The following COL28A1 variants were observed in gnomAD, a reference collection of about 807,000 sequenced individuals.
COL28A1 encodes the protein collagen alpha-1(XXVIII) chain.
A neutral mutation model predicts 150.2 loss-of-function variants in COL28A1; 161 were observed. The ratio of observed to expected loss-of-function variants is 1.07; its 90% CI spans 0.94 to 1.22. COL28A1 has a LOEUF of 1.22. Ranked by LOEUF, COL28A1 falls within the 50% of genes most tolerant of loss-of-function variation. The pLI is 0.00. For missense variants in COL28A1, 1,617 were observed against 1,388.3 expected (o/e 1.16, Z -2.62); for synonymous variants, 552 against 469.7 (o/e 1.18, Z -2.26).
rs139157629 is a variant in COL28A1 at position 7,491,878 on chromosome 7, T to C, written c.1027-1232A>G. Among the ~76,000 whole-genome samples, 458 of 152,354 alleles carry C rather than the reference T, an allele frequency of 3.0e-3. 1 individual carries two copies. The highest frequency in any genetic ancestry group is 0.01 in the African/African-American group (428 of 41,592). ...AAATAATATGTCTCATTGTAGAAAATTGTCATATATTAAAAAGCATGCATG... is the reference window on the plus strand; with the variant it reads ...AAATAATATGTCTCATTGTAGAAAACTGTCATATATTAAAAAGCATGCATG... On this transcript the variant is annotated intron_variant, in intron 11 of 34. Transcript: ENST00000399429.
At chr7:7,403,706 T>C (rs1783344282) in intron 27 of COL28A1, among the ~76,000 whole-genome samples, 1 of 152,240 alleles carries the variant, frequency 6.6e-6, no homozygotes, top group South Asian at 2.1e-4. Context: ...TCCACCATTG[T>C]TCTTGCTAAA....
At chr7:7,518,286 T>G (rs1781527907) in intron 6 of COL28A1, among the ~76,000 whole-genome samples, 1 of 152,156 alleles carries the variant, frequency 6.6e-6, no homozygotes, top group African/African-American at 2.4e-5. Flanking sequence ...AAATGTGAAC[T>G]TACATTTATA....
intron 25 of COL28A1, among the ~76,000 whole-genome samples, chr7:7,425,460 A>C (rs185348397): frequency 4.3e-4 from 65 of 152,292 alleles, no homozygotes; most frequent in African/African-American, 1.3e-3. Flanking sequence ...CCTGTATTAC[A>C]CAGGTCCCAC....
At chr7:7,477,900 G>A (rs528457052) in intron 13 of COL28A1, among the ~76,000 whole-genome samples, 2 of 152,286 alleles carry the variant, frequency 1.3e-5, no homozygotes, top group East Asian at 3.9e-4. Context: ...GCAGAGAGCT[G>A]ATTGGTCCGT....
intron 11 of COL28A1, among the ~76,000 whole-genome samples, chr7:7,503,039 C>T (rs1780621539): frequency 6.6e-6 from 1 of 152,190 alleles, no homozygotes; most frequent in African/African-American, 2.4e-5. Flanking sequence ...AGAAATGCAC[C>T]TTTCAACAAA....
In COL28A1 at chr7:7,531,890, T is replaced by C. The variant is rs774497298; in HGVS notation, c.139A>G (p.Ile47Val). 18 of 1,600,342 alleles carry C rather than the reference T, an allele frequency of 1.1e-5. No individual in the cohort carries two copies. The highest frequency in any genetic ancestry group is 1.7e-4 in the Middle Eastern group (1 of 6,038). ...KSDVQGSICF[I>V]DIVFIVDSSE... ...CTGTCCACGATGAAGACAATATCTA[T>C]GAAACAAATGGAGCCTGAAACAGAA... The change falls in exon 3 of 35, where the codon ATA becomes GTA. Residue 47 changes from isoleucine (I) to valine (V), a missense_variant. Ile to Val is a conservative substitution (Grantham distance 29). Transcript: ENST00000399429.
Position 7,373,014 on chromosome 7 carries a change from A to G in COL28A1, c.2892T>C (p.Asp964=), listed in dbSNP as rs375730266. 6.1e-5 allele frequency: 98 copies of G among 1,613,784 alleles called. No homozygotes were observed. In the African/African-American group the frequency reaches 1.3e-3, roughly 21 times the overall value. ...TDPEHVYQFD[D]FFTLQDTLKQ... is the part of the protein sequence containing the mutation. ...CTTCCTTACCTTGCAGGGTAAAGAA[A>G]TCATCAAACTGGTAAACATGCTCTG... The change falls in exon 32 of 35, where the codon GAT becomes GAC. Residue 964 remains aspartate, a synonymous_variant. Coordinates refer to ENST00000399429, the MANE Select transcript of COL28A1 (RefSeq NM_001037763.3). The surrounding 1 kb of genome is among the most constrained non-coding windows in gnomAD (Gnocchi z 4.1).
chr7:7,434,262 G>A (rs1015861316), intron 23 of COL28A1, among the ~76,000 whole-genome samples: 4 of 152,192 alleles, frequency 2.6e-5, no homozygotes, highest in Admixed American at 2.0e-4. Flanking sequence ...AGTTGAATGA[G>A]AGAAAGGAAG....
At chr7:7,423,160 G>A (rs887896530) in intron 25 of COL28A1, among the ~76,000 whole-genome samples, 9 of 152,208 alleles carry the variant, frequency 5.9e-5, no homozygotes, top group Non-Finnish European at 1.5e-5. Flanking sequence ...AATGACAAAT[G>A]CTAAAGCTTT....
At chr7:7,478,533 G>A (rs1251513878) in intron 13 of COL28A1, among the ~76,000 whole-genome samples, 3 of 152,264 alleles carry the variant, frequency 2.0e-5, no homozygotes, top group Admixed American at 6.5e-5. Flanking sequence ...CCAGTCCCAG[G>A]CCCTGCGCCC....
chr7:7,533,992 G>A (rs1335954320), intron 1 of COL28A1, among the ~76,000 whole-genome samples: 1 of 152,158 alleles, frequency 6.6e-6, no homozygotes, highest in Non-Finnish European at 1.5e-5. Context: ...TCATGAGCAC[G>A]ATTTTTCCAG....
chr7:7,477,536 C>G (rs532186427), intron 13 of COL28A1, among the ~76,000 whole-genome samples: 9 of 152,308 alleles, frequency 5.9e-5, no homozygotes, highest in South Asian at 2.1e-4. Context: ...GCCGCGGACC[C>G]TCGCGGTGAG....
chr7:7,460,433 G>A (rs956519711), intron 15 of COL28A1, among the ~76,000 whole-genome samples: 4 of 151,944 alleles, frequency 2.6e-5, no homozygotes, highest in African/African-American at 9.7e-5. Context: ...CCAGGCTGGA[G>A]TGCAGTGGTG....
chr7:7,474,806 G>A (rs896068595), intron 14 of COL28A1, 137 bp from the exon 15 acceptor site: 7 of 602,418 alleles, frequency 1.2e-5, no homozygotes, highest in East Asian at 2.9e-5. Context: ...TACTACAAAT[G>A]GGTAATTCTA....
In COL28A1 at chr7:7,373,968, G is replaced by T. The variant is rs1234030831; in HGVS notation, c.2360-422C>A. 6.8e-6 allele frequency among the ~76,000 whole-genome samples: 1 copy of T among 147,792 alleles called. No homozygotes were observed. Among genetic ancestry groups the T allele is most frequent in the African/African-American group, 2.5e-5 (1 of 39,800 alleles). ...CCCGCCTCGGCCTCCCAAAGTGCTG[G>T]GATTACAGGCGTGAGCCACCGCGCC... On this transcript the variant is annotated intron_variant, in intron 31 of 34. Transcript: ENST00000399429. This position sits in a 1 kb window ranked among gnomAD's most constrained non-coding sequence, Gnocchi z 4.1.
intron 27 of COL28A1, among the ~76,000 whole-genome samples, chr7:7,397,787 C>T (rs892790576): frequency 6.6e-6 from 1 of 152,136 alleles, no homozygotes; most frequent in African/African-American, 2.4e-5. Flanking sequence ...ACCTTACCCC[C>T]TACACAAATT....
At chr7:7,374,464 C>T (rs906987620) in intron 31 of COL28A1, among the ~76,000 whole-genome samples, 3 of 152,100 alleles carry the variant, frequency 2.0e-5, no homozygotes, top group Non-Finnish European at 2.9e-5. Context: ...GCAGCTTTCA[C>T]GTTATCAAGG....
chr7:7,495,749 C>T (rs1170844386), intron 11 of COL28A1, among the ~76,000 whole-genome samples: 1 of 152,214 alleles, frequency 6.6e-6, no homozygotes, highest in Non-Finnish European at 1.5e-5. Context: ...ACCTCTTGTT[C>T]AGAGTACAAC....
intron 25 of COL28A1, among the ~76,000 whole-genome samples, chr7:7,430,442 CT>C (rs1398336594): frequency 1.3e-5 from 2 of 151,958 alleles, no homozygotes; most frequent in South Asian, 4.2e-4. Flanking sequence ...TTTAAGTGTT[CT>C]TTATCTGTGC....
Sources: gnomAD v4.1 joint callset for allele counts (sites outside exome capture counted in the v4.1 genomes callset) on GRCh38, gnomAD v4.1.1 for gene constraint, Gnocchi (gnomAD v3.1) non-coding constraint, MANE v1.5 for transcripts, NCBI Gene and HGNC (gene_info 2026-07-23, HGNC 2026-07-21) for gene names.